The following DRD2 variants were observed in gnomAD, a reference collection of about 807,000 sequenced individuals.
The protein encoded by DRD2 is dopamine receptor D2, also known as D(2) dopamine receptor.
Under a neutral mutation model 38.0 loss-of-function variants are expected in DRD2, and 8 were observed. The ratio of observed to expected loss-of-function variants is 0.21; its 90% confidence interval spans 0.12 to 0.38. The LOEUF (loss-of-function observed/expected upper bound fraction) is 0.38. Ranked by LOEUF, DRD2 falls within the 10% of genes least tolerant of loss-of-function variation. DRD2 has a pLI of 1.00. For synonymous variants in DRD2, 230 were observed against 238.6 expected, an observed-to-expected ratio of 0.96 and a Z score of 0.33; for missense variants, 403 against 607.7, an observed-to-expected ratio of 0.66 and a Z score of 3.54.
At chr11:113,414,112 A>T in intron 6 of DRD2, 1 of 527,238 alleles carries the variant, frequency 1.9e-6, no homozygotes, top group Non-Finnish European at 3.5e-6. Context: ...TGTTTGAGAA[A>T]TGTGAATAGC....
intron 1 of DRD2, among the ~76,000 whole-genome samples, chr11:113,448,530 G>A (rs921950249): frequency 2.0e-5 from 3 of 152,224 alleles, no homozygotes; most frequent in Non-Finnish European, 4.4e-5. Context: ...TAATTGCAAC[G>A]TGATGCTCTC....
chr11:113,460,904 T>C (rs184798672), intron 1 of DRD2, among the ~76,000 whole-genome samples: 5 of 152,380 alleles, frequency 3.3e-5, no homozygotes, highest in Non-Finnish European at 5.9e-5. Context: ...AAAGCTGGCC[T>C]GAGAACAGCT....
At chr11:113,421,772 G>A (rs1452693807) in intron 2 of DRD2, among the ~76,000 whole-genome samples, 2 of 152,132 alleles carry the variant, frequency 1.3e-5, no homozygotes, top group African/African-American at 4.8e-5. Flanking sequence ...AGGACATCAG[G>A]GCAGGGTGAG....
At chr11:113,429,071 G>C (rs1950963416) in intron 1 of DRD2, among the ~76,000 whole-genome samples, 1 of 152,076 alleles carries the variant, frequency 6.6e-6, no homozygotes, top group Non-Finnish European at 1.5e-5. Context: ...TCACACATTT[G>C]ATTTTCTAAT....
intron 1 of DRD2, among the ~76,000 whole-genome samples, chr11:113,469,994 C>T (rs913867176): frequency 2.6e-5 from 4 of 152,102 alleles, no homozygotes; most frequent in African/African-American, 4.8e-5. Context: ...AGTAAGTGCA[C>T]AATAAATGCT....
chr11:113,424,591 G>T lies in DRD2; in HGVS notation c.61C>A (p.Pro21Thr). 1 of 1,614,202 alleles carries T rather than the reference G, an allele frequency of 6.2e-7. No homozygotes were observed. Among genetic ancestry groups the T allele is most frequent in the Non-Finnish European group, 8.5e-7 (1 of 1,180,028 alleles). The change falls in exon 2 of 8, where the codon CCC (proline) becomes ACC (threonine). Residue 21 changes from proline to threonine, a missense_variant. Physicochemically the swap from Pro to Thr is conservative, Grantham distance 38. Coordinates refer to ENST00000362072, the MANE Select transcript of DRD2 (RefSeq NM_000795.4). Reference sequence around the variant, plus strand: ...GCCTTCCCGTCTGACCCGTTGAAGGGCCGGCTCCAGTTCTGCCTCTCCAGA... The same window carrying T: ...GCCTTCCCGTCTGACCCGTTGAAGGTCCGGCTCCAGTTCTGCCTCTCCAGA... The part of the protein sequence containing the change: ...DDLERQNWSR[P>T]FNGSDGKADR...
intron 2 of DRD2, among the ~76,000 whole-genome samples, chr11:113,418,693 C>T (rs570174294): frequency 6.6e-6 from 1 of 152,284 alleles, no homozygotes; most frequent in Admixed American, 6.5e-5. Context: ...ACAATATTTC[C>T]CCTGTCCCAA....
intron 5 of DRD2, among the ~76,000 whole-genome samples, chr11:113,415,010 C>T (rs376071283): frequency 6.6e-6 from 1 of 152,064 alleles, no homozygotes; most frequent in East Asian, 1.9e-4. Context: ...GAGAGGAAGT[C>T]AGGAAAAGTG....
At chr11:113,419,197 G>A (rs1038209989) in intron 2 of DRD2, among the ~76,000 whole-genome samples, 3 of 152,162 alleles carry the variant, frequency 2.0e-5, no homozygotes, top group Non-Finnish European at 4.4e-5. Flanking sequence ...TGGCAGAGTC[G>A]GGGCCCCAAA....
Position 113,422,374 on chromosome 11 carries a change from TATG to T in DRD2, c.285+1990_285+1992del, listed in dbSNP as rs1037843127. The stretch of plus-strand genomic sequence containing the variant: ...TTCGATCCTCAACAATGCTATGATG[TATG>T]ATACTATTATTATCTGCATTTTCCA... On this transcript the variant is annotated intron_variant, in intron 2 of 7. Coordinates refer to ENST00000362072, the MANE Select transcript of DRD2 (RefSeq NM_000795.4). Among the ~76,000 whole-genome samples, 3 of 152,348 alleles carry T rather than the reference TATG, an allele frequency of 2.0e-5. No homozygotes were observed. The South Asian group carries it at 6.2e-4, about 32-fold the overall frequency.
intron 1 of DRD2, among the ~76,000 whole-genome samples, chr11:113,440,755 G>C (rs1453113854): frequency 6.6e-6 from 1 of 152,344 alleles, no homozygotes; most frequent in South Asian, 2.1e-4. Context: ...GCAGAAAGGA[G>C]AGAAATGGAG....
At chr11:113,448,096 G>A (rs1235568725) in intron 1 of DRD2, among the ~76,000 whole-genome samples, 8 of 152,286 alleles carry the variant, frequency 5.3e-5, no homozygotes, top group Admixed American at 2.6e-4. Context: ...GGACCTTCAG[G>A]CTAGGAAGTC....
intron 5 of DRD2, among the ~76,000 whole-genome samples, chr11:113,414,874 T>C (rs1950809829): frequency 1.3e-5 from 2 of 152,186 alleles, no homozygotes; most frequent in Non-Finnish European, 2.9e-5. Context: ...ACCTGATGCG[T>C]CTAGCCCAAG....
chr11:113,466,858 G>T (rs760794706), intron 1 of DRD2, among the ~76,000 whole-genome samples: 1 of 152,168 alleles, frequency 6.6e-6, no homozygotes, highest in Non-Finnish European at 1.5e-5. Context: ...TCATGGTCTG[G>T]TGGAGAAGAC....
At chr11:113,424,774 G>T (rs1950923894) in intron 1 of DRD2, 92 bp from the exon 2 acceptor site, 11 of 1,280,966 alleles carry the variant, frequency 8.6e-6, no homozygotes, top group Non-Finnish European at 3.3e-6. Context: ...TTAATAATGA[G>T]AATTTTCCAA....
Position 113,415,526 on chromosome 11 carries a change from C to T in DRD2, c.618G>A (p.Leu206=). 1 of 1,613,992 alleles carries T rather than the reference C, an allele frequency of 6.2e-7. No homozygotes were observed. Among genetic ancestry groups the T allele is most frequent in the Non-Finnish European group, 8.5e-7 (1 of 1,179,994 alleles). The change falls in exon 5 of 8, where the codon CTG becomes CTA. Residue 206 remains leucine, a synonymous_variant. Coordinates refer to ENST00000362072, the MANE Select transcript of DRD2 (RefSeq NM_000795.4). ...CAATGTAGATCTTGATGTAGACCAG[C>T]AGGGTGACAATGAAGGGCACGTAGA... ...VSFYVPFIVT[L]LVYIKIYIVL... is the part of the protein sequence containing the mutation.
intron 1 of DRD2, among the ~76,000 whole-genome samples, chr11:113,454,596 A>G (rs532013861): frequency 2.3e-4 from 35 of 152,280 alleles, no homozygotes; most frequent in Admixed American, 1.5e-3. Context: ...AGGGCAGAAC[A>G]GAAAAGCTTC....
intron 1 of DRD2, among the ~76,000 whole-genome samples, chr11:113,465,107 T>G (rs1951355405): frequency 6.9e-6 from 1 of 144,732 alleles, no homozygotes; most frequent in Admixed American, 7.1e-5. Context: ...TAGCAGCCTC[T>G]GTGATTTTTT....
Position 113,414,382 on chromosome 11 carries a change from C to T in DRD2, c.803G>A (p.Arg268Gln), listed in dbSNP as rs752633977. 1.6e-5 allele frequency: 26 copies of T among 1,614,138 alleles called. No individual in the cohort carries two copies. The highest frequency in any genetic ancestry group is 1.6e-4 in the Middle Eastern group (1 of 6,062). The stretch of plus-strand genomic sequence containing the variant: ...CCTGGCCTGAGCACTTACCACTCTC[C>T]GCCTGTTCACTGGGAAACTCCCATT... Reference protein sequence around the residue: ...KSNGSFPVNRRRVEAARRAQE... With the variant: ...KSNGSFPVNRQRVEAARRAQE... Residue 268 changes from arginine to glutamine, a missense_variant, in exon 6 of 8, where the codon CGG becomes CAG. By Grantham distance (43) the Arg-to-Gln change is conservative (BLOSUM62 1). Coordinates refer to ENST00000362072, the MANE Select transcript of DRD2 (RefSeq NM_000795.4).
Sources: gnomAD v4.1 joint callset for allele counts (sites outside exome capture counted in the v4.1 genomes callset) on GRCh38, gnomAD v4.1.1 for gene constraint, MANE v1.5 for transcripts, NCBI Gene and HGNC (gene_info 2026-07-23, HGNC 2026-07-21) for gene names.